The following ASTN1 variants were observed in gnomAD, a reference collection of about 807,000 sequenced individuals.
The protein encoded by ASTN1 is astrotactin-1.
A neutral mutation model predicts 140.7 loss-of-function variants in ASTN1; 41 were observed. That is an observed-to-expected ratio of 0.29 (90% confidence interval 0.23 to 0.38). The LOEUF is 0.38. ASTN1 is among the 10% of genes least tolerant of loss of function. The pLI, the probability that ASTN1 is intolerant of heterozygous loss-of-function variation, is 1.00. For missense variants in ASTN1, 1,479 were observed against 1,678.8 expected, an observed-to-expected ratio of 0.88 and a Z score of 2.08; for synonymous variants, 640 against 652.2, an observed-to-expected ratio of 0.98 and a Z score of 0.29.
downstream of ASTN1, among the ~76,000 whole-genome samples, chr1:176,859,730 G>A (rs1043777386): frequency 5.3e-5 from 8 of 152,324 alleles, no homozygotes; most frequent in South Asian, 1.7e-3. Context: ...GTTGCAGTGA[G>A]CCAAGATCGT....
chr1:176,952,464 C>T (rs1473386823), intron 11 of ASTN1, among the ~76,000 whole-genome samples: 1 of 151,722 alleles, frequency 6.6e-6, no homozygotes, highest in African/African-American at 2.4e-5. Flanking sequence ...GGCTGCAGTT[C>T]AGAGTAAAAC....
chr1:176,958,294 C>T, intron 10 of ASTN1, 51 bp downstream of exon 10: 2 of 1,610,424 alleles, frequency 1.2e-6, no homozygotes, highest in Non-Finnish European at 1.7e-6. Flanking sequence ...GGTAGTTTCT[C>T]ATTCTGCTTC....
chr1:176,869,075 A>G (rs767233338), intron 21 of ASTN1, 48 bp from the exon 22 acceptor site: 3 of 1,242,240 alleles, frequency 2.4e-6, no homozygotes, highest in East Asian at 2.6e-5. Context: ...ATATATAATA[A>G]TGTATATATA....
intron 11 of ASTN1, 48 bp from the exon 12 acceptor site, chr1:176,949,399 G>T: frequency 6.4e-7 from 1 of 1,572,778 alleles, no homozygotes; most frequent in South Asian, 1.1e-5. Context: ...TCGGGGAACT[G>T]AGTTCTCTGG....
chr1:176,908,520 T>C (rs987608879), intron 16 of ASTN1, among the ~76,000 whole-genome samples: 1 of 152,192 alleles, frequency 6.6e-6, no homozygotes, highest in Non-Finnish European at 1.5e-5. Flanking sequence ...CTGGCAAAGA[T>C]GTCTTCACCT....
At chr1:177,117,283 T>G (rs1681140288) in intron 1 of ASTN1, among the ~76,000 whole-genome samples, 1 of 151,938 alleles carries the variant, frequency 6.6e-6, no homozygotes, top group South Asian at 2.1e-4. Context: ...ATTCTCAGAG[T>G]CACTCCCGGC....
chr1:176,972,179 G>A (rs967759922), intron 8 of ASTN1, among the ~76,000 whole-genome samples: 4 of 152,174 alleles, frequency 2.6e-5, no homozygotes, highest in Admixed American at 6.5e-5. Flanking sequence ...TGGGAACACT[G>A]TTGTACATGT....
intron 16 of ASTN1, among the ~76,000 whole-genome samples, chr1:176,924,722 A>G (rs1382659158): frequency 2.0e-5 from 3 of 152,226 alleles, no homozygotes; most frequent in African/African-American, 7.2e-5. Flanking sequence ...AGTAGTTGGG[A>G]ATAGTCCAGA....
chr1:177,009,429 G>A (rs1675172884), intron 8 of ASTN1, among the ~76,000 whole-genome samples: 1 of 152,210 alleles, frequency 6.6e-6, no homozygotes, highest in Admixed American at 6.5e-5. Flanking sequence ...AGACAGAGGA[G>A]CTGAGGCCAG....
chr1:177,004,263 G>A (rs529017171), intron 8 of ASTN1, among the ~76,000 whole-genome samples: 1 of 151,834 alleles, frequency 6.6e-6, no homozygotes, highest in South Asian at 2.1e-4. Context: ...CTTAACCAAG[G>A]AGGTGAAAGA....
chr1:177,091,916 G>T (rs1438029087), intron 1 of ASTN1, among the ~76,000 whole-genome samples: 2 of 150,862 alleles, frequency 1.3e-5, no homozygotes, highest in African/African-American at 4.9e-5. Context: ...ACACACTTGT[G>T]GATTGTCTCT....
At chr1:176,994,372 T>C (rs1184233025) in intron 8 of ASTN1, among the ~76,000 whole-genome samples, 3 of 152,106 alleles carry the variant, frequency 2.0e-5, no homozygotes, top group Non-Finnish European at 4.4e-5. Context: ...AATTATACTT[T>C]TTTTTTTGAG....
chr1:176,931,414 C>T (rs564865649), intron 16 of ASTN1, among the ~76,000 whole-genome samples: 47 of 152,098 alleles, frequency 3.1e-4, no homozygotes, highest in South Asian at 1.5e-3. Flanking sequence ...TGCGGTGAGC[C>T]GAGATCACGC....
At chr1:176,857,702 C>A (rs1667854548), downstream of ASTN1, 1 of 515,990 alleles carries the variant, frequency 1.9e-6, no homozygotes. Context: ...AGAGTCAGCA[C>A]TATGTGATAC....
rs1010717425 is a variant in ASTN1, at chr1:177,036,736, T to G, written c.472-3887A>C. ...GGTCTAGCCACTTTGGTAACTGTCC[T>G]TCTACAGTGAGGACTTGGCTCACAT... On this transcript the variant is annotated intron_variant, in intron 2 of 22. Transcript: ENST00000361833. Among the ~76,000 whole-genome samples the G allele has an allele frequency of 8.5e-5, 13 of 152,252 alleles. No individual in the cohort carries two copies. In the East Asian group the frequency reaches 2.5e-3, roughly 29 times the overall value.
chr1:176,861,010 T>C, downstream of ASTN1: 1 of 874,088 alleles, frequency 1.1e-6, no homozygotes. Flanking sequence ...ACAAGTTCCC[T>C]GATGAGTCTA....
At chr1:176,892,764 T>A (rs1241690083) in intron 17 of ASTN1, among the ~76,000 whole-genome samples, 1 of 152,224 alleles carries the variant, frequency 6.6e-6, no homozygotes, top group African/African-American at 2.4e-5. Flanking sequence ...ATTCTAATGT[T>A]ATGATTTGGC....
chr1:177,088,122 T>C (rs536052789), intron 1 of ASTN1, among the ~76,000 whole-genome samples: 4 of 152,340 alleles, frequency 2.6e-5, no homozygotes, highest in Non-Finnish European at 5.9e-5. Flanking sequence ...AGTTTCCATT[T>C]AGTGTAGGCC....
intron 1 of ASTN1, among the ~76,000 whole-genome samples, chr1:177,159,446 C>G (rs1253063960): frequency 1.3e-5 from 2 of 152,102 alleles, no homozygotes; most frequent in East Asian, 3.9e-4. Context: ...TTAAAGTTTC[C>G]CCTCAAATGG....
Sources: gnomAD v4.1 joint callset for allele counts (sites outside exome capture counted in the v4.1 genomes callset) on GRCh38, gnomAD v4.1.1 for gene constraint, MANE v1.5 for transcripts, NCBI Gene and HGNC (gene_info 2026-07-23, HGNC 2026-07-21) for gene names.